Variants in NPIPB2 observed in about 807,000 individuals in gnomAD.
NPIPB2 encodes the protein nuclear pore complex-interacting protein family member B2.
In NPIPB2, 27 loss-of-function variants were observed where a neutral mutation model predicts 30.8. The observed-to-expected ratio is 0.88, with a 90% CI of 0.65 to 1.21. The LOEUF is 1.21. NPIPB2 is among the 50% of genes most tolerant of loss of function. The probability of loss-of-function intolerance (pLI) is 0.00; values close to 1 mark genes in which losing one functional copy is unlikely to be tolerated. For synonymous variants in NPIPB2, 147 were observed against 162.0 expected (o/e 0.91, Z 0.70); for missense variants, 440 against 446.2 (o/e 0.99, Z 0.13).
At chr16:11,934,695 C>T (rs1351492438) in intron 2 of NPIPB2, among the ~76,000 whole-genome samples, 3 of 150,998 alleles carry the variant, frequency 2.0e-5, no homozygotes, top group African/African-American at 7.3e-5. Context: ...CCCGTCTCTA[C>T]TAAAAATACA....
At chr16:11,966,582 A>G (rs1026947377) in intron 1 of NPIPB2, among the ~76,000 whole-genome samples, 1 of 152,192 alleles carries the variant, frequency 6.6e-6, no homozygotes, top group African/African-American at 2.4e-5. Flanking sequence ...TAATTACTCT[A>G]TTGAAAGTAC....
intron 1 of NPIPB2, among the ~76,000 whole-genome samples, chr16:11,970,629 G>C (rs745700580): frequency 6.6e-6 from 1 of 151,902 alleles, no homozygotes; most frequent in Admixed American, 6.6e-5. Flanking sequence ...TCCAACTTCT[G>C]GTTTCAAGCG....
At chr16:11,965,193 C>G (rs535227540) in intron 1 of NPIPB2, 16 of 1,201,904 alleles carry the variant, frequency 1.3e-5, no homozygotes, top group South Asian at 5.8e-5. Context: ...TAAGAACCCA[C>G]GAAGCAGGCG....
intron 1 of NPIPB2, 169 bp downstream of exon 1, chr16:11,941,814 G>A: frequency 2.4e-6 from 3 of 1,265,830 alleles, no homozygotes; most frequent in Non-Finnish European, 3.3e-6. Context: ...CCAAGGACAG[G>A]TCCTCTCTGG....
intron 1 of NPIPB2, among the ~76,000 whole-genome samples, chr16:11,957,784 C>G (rs2150933348): frequency 6.6e-6 from 1 of 152,286 alleles, no homozygotes; most frequent in Admixed American, 6.5e-5. Flanking sequence ...ATTTCAAACT[C>G]AGTACTGCAA....
chr16:11,948,361 C>G (rs1006568713), intron 1 of NPIPB2, among the ~76,000 whole-genome samples: 3 of 152,150 alleles, frequency 2.0e-5, no homozygotes, highest in Non-Finnish European at 2.9e-5. Context: ...GTGAGGAAAG[C>G]ACGCTCAACA....
intron 1 of NPIPB2, among the ~76,000 whole-genome samples, chr16:11,973,928 G>A (rs1442787302): frequency 6.6e-6 from 1 of 152,228 alleles, no homozygotes; most frequent in East Asian, 1.9e-4. Context: ...CTGGAATGGA[G>A]ATTATGCTGT....
intron 1 of NPIPB2, among the ~76,000 whole-genome samples, chr16:11,966,040 G>C (rs1053281929): frequency 1.3e-5 from 2 of 152,190 alleles, no homozygotes; most frequent in Admixed American, 1.3e-4. Flanking sequence ...GAACTTGGGA[G>C]GTGGAGGTTG....
At chr16:11,953,385 C>G (rs2055084595) in intron 1 of NPIPB2, among the ~76,000 whole-genome samples, 1 of 151,988 alleles carries the variant, frequency 6.6e-6, no homozygotes, top group Admixed American at 6.6e-5. Context: ...CTCTGTTGCT[C>G]AGGGTGGAGT....
Position 11,927,415 on chromosome 16 carries a change from CCGCCTCTTGGGCTCGGGTG to C in NPIPB2, c.1133_1151del (p.Ser378Ter). On this transcript the variant is annotated frameshift_variant, in exon 8 of 8. Coordinates refer to ENST00000399147, the Ensembl canonical transcript of NPIPB2. LOFTEE classifies it high-confidence loss of function. ...GGCCTGTTCTCAGCTTACTCAACCT[CCGCCTCTTGGGCTCGGGTG>C]ATGATGGTTCCACCTCAGCGGCCCT... The C allele has an allele frequency of 9.2e-7, 1 of 1,086,166 alleles. No individual in the cohort carries two copies. The highest frequency in any genetic ancestry group is 1.4e-6 in the Non-Finnish European group (1 of 731,454). 67.3% of individuals were successfully genotyped at this position (1,086,166 alleles called of 1,614,324 possible).
intron 1 of NPIPB2, among the ~76,000 whole-genome samples, chr16:11,962,070 T>C (rs1422070892): frequency 6.7e-6 from 1 of 149,730 alleles, no homozygotes; most frequent in Non-Finnish European, 1.5e-5. Flanking sequence ...CATGGTGGCA[T>C]GTGCGTAGTC....
intron 1 of NPIPB2, among the ~76,000 whole-genome samples, chr16:11,970,234 A>G (rs1277509794): frequency 6.6e-6 from 1 of 151,784 alleles, no homozygotes; most frequent in Non-Finnish European, 1.5e-5. Context: ...TATTTTTGAG[A>G]TGAAGTCTCA....
upstream of NPIPB2, among the ~76,000 whole-genome samples, chr16:11,943,949 G>A (rs1418953354): frequency 1.7e-5 from 2 of 115,854 alleles, no homozygotes; most frequent in Non-Finnish European, 3.3e-5. Context: ...AGTGAGCCGA[G>A]ATCGCGCCAC....
At chr16:11,944,683 A>G (rs1316462693), upstream of NPIPB2, among the ~76,000 whole-genome samples, 1 of 133,828 alleles carries the variant, frequency 7.5e-6, no homozygotes, top group Non-Finnish European at 1.5e-5. Flanking sequence ...GAATCGCTTG[A>G]ACCTGGGAGA....
intron 1 of NPIPB2, chr16:11,967,750 C>A: frequency 6.2e-7 from 1 of 1,614,202 alleles, no homozygotes; most frequent in South Asian, 1.1e-5. Flanking sequence ...GAGGAAGGCG[C>A]AACCATTCTT....
chr16:11,945,284 G>C (rs1184052052), upstream of NPIPB2, among the ~76,000 whole-genome samples: 3 of 152,288 alleles, frequency 2.0e-5, no homozygotes, highest in African/African-American at 7.2e-5. Flanking sequence ...GGAAGGCTGA[G>C]GCAGGGACAT....
At chr16:11,951,460 C>CAAAAAAAAAAAAA in intron 1 of NPIPB2, among the ~76,000 whole-genome samples, 2 of 49,804 alleles carry the variant, frequency 4.0e-5, no homozygotes, top group Non-Finnish European at 6.8e-5. Context: ...AAGACTGTCT[C>CAAAAAAAAAAAAA]AAAAAAAAAA....
At position 11,948,635 on chromosome 16, in the gene NPIPB2, C is replaced by T. The variant is rs1041838301; in HGVS notation, c.-583-6521G>A. Among the ~76,000 whole-genome samples the T allele has an allele frequency of 5.3e-5, 8 of 151,006 alleles. No individual in the cohort carries two copies. The South Asian group carries it at 6.3e-4, about 12-fold the overall frequency. Reference sequence around the variant, plus strand: ...CAAAAAAATTAGCCGGGCGTAGTGGCGGGCGCCTGTAGTCCCAGCTACTTG... The same window carrying T: ...CAAAAAAATTAGCCGGGCGTAGTGGTGGGCGCCTGTAGTCCCAGCTACTTG... On this transcript the variant is annotated intron_variant, in intron 1 of 5. Coordinates refer to the NPIPB2 transcript ENST00000538896.
At chr16:11,966,249 T>G (rs374829740) in intron 1 of NPIPB2, 41 of 1,613,942 alleles carry the variant, frequency 2.5e-5, no homozygotes, top group Admixed American at 6.7e-5. Flanking sequence ...TGTTTGGGAC[T>G]GAGCTTAATA....
Sources: allele counts gnomAD v4.1 joint callset (sites outside exome capture counted in the v4.1 genomes callset), GRCh38; gene constraint gnomAD v4.1.1; transcripts MANE v1.5; gene names NCBI Gene and HGNC (gene_info 2026-07-23, HGNC 2026-07-21).